The following RAB37 variants were observed in gnomAD, a reference collection of about 807,000 sequenced individuals.
RAB37 encodes RAB37, member RAS oncogene family.
A neutral mutation model predicts 33.1 loss-of-function variants in RAB37; 29 were observed. The observed-to-expected ratio is 0.88, with a 90% CI of 0.65 to 1.20. The LOEUF (loss-of-function observed/expected upper bound fraction) is 1.20, where lower values mean the gene tolerates loss of function less well. Ranked by LOEUF, RAB37 falls within the 50% of genes most tolerant of loss-of-function variation. RAB37 has a pLI of 0.00. For missense variants in RAB37, 299 were observed against 301.1 expected (o/e 0.99, Z 0.05); for synonymous variants, 128 against 119.5 (o/e 1.07, Z -0.47).
chr17:74,717,150 A>G (rs1362462387), intron 1 of RAB37, among the ~76,000 whole-genome samples: 2 of 152,212 alleles, frequency 1.3e-5, no homozygotes, highest in East Asian at 3.9e-4. Context: ...ATAAAATAAA[A>G]TGAAATAAAA....
In RAB37 at chr17:74,698,581, G is replaced by A. The variant is rs1360389224; in HGVS notation, c.72+26923G>A. Reference sequence around the variant, plus strand: ...AGCAGGGGAGGGCCACACACCTGATGAGCTGCAGGTCTGTAGTTTGCAGCC... The same window carrying A: ...AGCAGGGGAGGGCCACACACCTGATAAGCTGCAGGTCTGTAGTTTGCAGCC... On this transcript the variant is annotated intron_variant, in intron 1 of 7. Coordinates refer to the RAB37 transcript ENST00000340415. 8 of 1,520,132 alleles carry A rather than the reference G, an allele frequency of 5.3e-6. No homozygotes were observed. In the South Asian group the frequency reaches 8.8e-5, roughly 17 times the overall value. The allele number at this position is 1,520,132 out of a possible 1,614,324, so 94.2% of individuals were successfully genotyped here.
chr17:74,701,211 G>A (rs181748198), intron 1 of RAB37, among the ~76,000 whole-genome samples: 337 of 152,334 alleles, frequency 2.2e-3, no homozygotes, highest in African/African-American at 7.6e-3. Flanking sequence ...AGAAATTTGA[G>A]AAAGAAATTC....
At chr17:74,689,727 C>G (rs1598188367) in intron 1 of RAB37, among the ~76,000 whole-genome samples, 1 of 152,152 alleles carries the variant, frequency 6.6e-6, no homozygotes, top group Non-Finnish European at 1.5e-5. Context: ...CAGCAGTCTC[C>G]CCTTTCCAAG....
upstream of RAB37, chr17:74,737,040 G>T (rs756446487): frequency 1.2e-6 from 2 of 1,608,448 alleles, no homozygotes; most frequent in African/African-American, 2.7e-5. Flanking sequence ...GCACGGAGCC[G>T]AGCCGGTGTT....
At chr17:74,695,965 C>T (rs1288491230) in intron 1 of RAB37, 11 of 1,387,856 alleles carry the variant, frequency 7.9e-6, no homozygotes, top group Admixed American at 2.1e-5. Context: ...CCCAGGTGCC[C>T]CTCTCCCATT....
intron 2 of RAB37, among the ~76,000 whole-genome samples, chr17:74,731,213 T>C (rs1459326339): frequency 1.3e-5 from 2 of 152,222 alleles, no homozygotes; most frequent in African/African-American, 4.8e-5. Context: ...TACCCATCTG[T>C]CCTTCTCACG....
At chr17:74,706,388 T>C (rs981670435) in intron 1 of RAB37, among the ~76,000 whole-genome samples, 2 of 149,980 alleles carry the variant, frequency 1.3e-5, no homozygotes, top group Admixed American at 1.3e-4. Flanking sequence ...GTATCCGGAA[T>C]CTTTCAAAGG....
At chr17:74,673,809 C>A (rs1412375427) in intron 1 of RAB37, among the ~76,000 whole-genome samples, 1 of 152,164 alleles carries the variant, frequency 6.6e-6, no homozygotes, top group South Asian at 2.1e-4. Context: ...CAGCCTTAAA[C>A]CTTCTGTGGT....
chr17:74,672,145 C>T (rs1345985051), intron 1 of RAB37, among the ~76,000 whole-genome samples: 1 of 152,174 alleles, frequency 6.6e-6, no homozygotes, highest in Non-Finnish European at 1.5e-5. Context: ...AGCCATGATT[C>T]CCTCACAGCC....
chr17:74,671,399 G>A lies in RAB37; in HGVS notation c.-188G>A. 1.7e-6 allele frequency: 1 copy of A among 596,034 alleles called. No homozygotes were observed. The highest frequency in any genetic ancestry group is 3.0e-6 in the Non-Finnish European group (1 of 336,582). 36.9% of individuals were successfully genotyped at this position (596,034 alleles called of 1,614,324 possible). ...CTGAAACGCTCAGTCCTGGAAGAACGTGGCCGCCTGCCCGCCTGGTACCGC... is the reference window on the plus strand; with the variant it reads ...CTGAAACGCTCAGTCCTGGAAGAACATGGCCGCCTGCCCGCCTGGTACCGC... On this transcript the variant is annotated 5_prime_UTR_variant, in exon 1 of 8. Transcript: ENST00000340415. The surrounding 1 kb of genome is among the most constrained non-coding windows in gnomAD (Gnocchi z 5.0).
At chr17:74,683,798 C>G (rs2032001172) in intron 1 of RAB37, among the ~76,000 whole-genome samples, 1 of 152,148 alleles carries the variant, frequency 6.6e-6, no homozygotes, top group African/African-American at 2.4e-5. Context: ...TCATCTTATG[C>G]TTTGGGCCAG....
At chr17:74,739,628 C>G (rs915862200) in intron 1 of RAB37, among the ~76,000 whole-genome samples, 3 of 146,992 alleles carry the variant, frequency 2.0e-5, no homozygotes, top group African/African-American at 7.6e-5. Context: ...CTCCTGGGTT[C>G]AAGCTATTCT....
intron 1 of RAB37, chr17:74,704,491 C>A: frequency 6.2e-7 from 1 of 1,612,260 alleles, no homozygotes; most frequent in South Asian, 1.1e-5. Flanking sequence ...GGTCAATGGT[C>A]ACTTGAACTG....
chr17:74,745,016 T>C lies in RAB37; in HGVS notation c.498T>C (p.Gly166=). 2 of 1,614,230 alleles carry C rather than the reference T, an allele frequency of 1.2e-6. No individual in the cohort carries two copies. The highest frequency in any genetic ancestry group is 2.7e-5 in the African/African-American group (2 of 75,078). The change falls in exon 8 of 9, where the codon GGT becomes GGC. Residue 166 remains glycine, a synonymous_variant. Transcript: ENST00000392613. This position sits in a 1 kb window ranked among gnomAD's most constrained non-coding sequence, Gnocchi z 4.5. ...CACTCTCTCCCGGGCAGGAGTACGG[T>C]GTTCCCTTCCTGGAGACCAGCGCCA... The part of the protein sequence containing the change: ...EDGETLAREY[G]VPFLETSAKT...
intron 1 of RAB37, among the ~76,000 whole-genome samples, chr17:74,708,277 T>G (rs1254163360): frequency 6.6e-6 from 1 of 152,128 alleles, no homozygotes; most frequent in Non-Finnish European, 1.5e-5. Context: ...AAATCCCTTG[T>G]TTAAAACTTC....
chr17:74,695,863 G>A lies in RAB37; in HGVS notation c.72+24205G>A, dbSNP rs368465105. 7 of 1,612,500 alleles carry A rather than the reference G, an allele frequency of 4.3e-6. No homozygotes were observed. In the African/African-American group the frequency reaches 8.0e-5, roughly 18 times the overall value. ...CGCCCTCCAGGGGCTGCAGTACCTGGGACAGGGAACACAGGCTGGGGAGTC... is the reference window on the plus strand; with the variant it reads ...CGCCCTCCAGGGGCTGCAGTACCTGAGACAGGGAACACAGGCTGGGGAGTC... On this transcript the variant is annotated intron_variant, in intron 1 of 7. Transcript: ENST00000340415.
chr17:74,689,465 A>C (rs2032119606), intron 1 of RAB37, among the ~76,000 whole-genome samples: 1 of 152,134 alleles, frequency 6.6e-6, no homozygotes, highest in African/African-American at 2.4e-5. Flanking sequence ...AAAAAGAAAG[A>C]AAGAAAAGAA....
chr17:74,696,293 G>T, intron 1 of RAB37: 1 of 1,473,186 alleles, frequency 6.8e-7, no homozygotes, highest in Non-Finnish European at 9.1e-7. Context: ...CTAGGGAAGA[G>T]AAATATGGAA....
intron 1 of RAB37, chr17:74,695,338 G>T (rs1483701334): frequency 2.9e-5 from 43 of 1,505,692 alleles, no homozygotes; most frequent in Non-Finnish European, 3.8e-5. Flanking sequence ...GGATAGTGGG[G>T]ATGGACCATT....
Sources: gnomAD v4.1 joint callset for allele counts (sites outside exome capture counted in the v4.1 genomes callset) on GRCh38, gnomAD v4.1.1 for gene constraint, Gnocchi (gnomAD v3.1) non-coding constraint, MANE v1.5 for transcripts, NCBI Gene and HGNC (gene_info 2026-07-23, HGNC 2026-07-21) for gene names.